Variants in ANK1 observed in about 807,000 individuals in gnomAD.
The protein encoded by ANK1 is ankyrin-1.
Under a neutral mutation model 210.4 loss-of-function variants are expected in ANK1, and 51 were observed. The observed-to-expected ratio is 0.24, with a 90% CI of 0.19 to 0.31. ANK1 has a LOEUF of 0.31. ANK1 is among the 10% of genes least tolerant of loss of function. ANK1 has a pLI of 1.00. For missense variants in ANK1, 2,051 were observed against 2,504.4 expected (o/e 0.82, Z 3.86); for synonymous variants, 967 against 1,025.9 (o/e 0.94, Z 1.10).
intron 33 of ANK1, among the ~76,000 whole-genome samples, chr8:41,689,352 C>T (rs1361328583): frequency 1.3e-5 from 2 of 149,656 alleles, no homozygotes; most frequent in African/African-American, 2.5e-5. Context: ...TAGTCTTGAA[C>T]TCCTGGGCTC....
intron 1 of ANK1, among the ~76,000 whole-genome samples, chr8:41,811,428 G>T (rs1048482074): frequency 6.6e-6 from 1 of 152,196 alleles, no homozygotes; most frequent in Non-Finnish European, 1.5e-5. Flanking sequence ...CTGCAAAGGC[G>T]GTTTCAGAAG....
chr8:41,890,292 A>C (rs1819162311), intron 1 of ANK1, among the ~76,000 whole-genome samples: 1 of 152,248 alleles, frequency 6.6e-6, no homozygotes, highest in Non-Finnish European at 1.5e-5. Flanking sequence ...AAGAGCTCAA[A>C]CTGGAACCTG....
At chr8:41,681,111 C>T (rs951340321) in intron 37 of ANK1, among the ~76,000 whole-genome samples, 4 of 152,200 alleles carry the variant, frequency 2.6e-5, no homozygotes, top group Admixed American at 1.3e-4. Context: ...GCTAGCTTAA[C>T]GTCAGCAGCA....
At chr8:41,798,598 G>C (rs1849296317), upstream of ANK1, among the ~76,000 whole-genome samples, 5 of 152,224 alleles carry the variant, frequency 3.3e-5, no homozygotes, top group Admixed American at 3.3e-4. Flanking sequence ...GGCTTTATCA[G>C]TGAGAACACC....
chr8:41,817,732 G>C (rs1363786313), intron 1 of ANK1, among the ~76,000 whole-genome samples: 1 of 152,198 alleles, frequency 6.6e-6, no homozygotes, highest in Non-Finnish European at 1.5e-5. Flanking sequence ...TTCCTATCAT[G>C]CTTTATATAA....
chr8:41,706,308 C>G, intron 17 of ANK1, 67 bp from the exon 18 acceptor site: 1 of 1,448,630 alleles, frequency 6.9e-7, no homozygotes. Flanking sequence ...GTAAAGAGCT[C>G]TGAGGTCTGG....
chr8:41,775,758 G>A (rs534374986), intron 1 of ANK1, among the ~76,000 whole-genome samples: 31 of 152,196 alleles, frequency 2.0e-4, no homozygotes, highest in Admixed American at 3.3e-4. Context: ...ATGGTGGTGC[G>A]CACCTGTAGT....
chr8:41,748,381 GAA>G (rs1836706844), intron 2 of ANK1, among the ~76,000 whole-genome samples: 1 of 152,130 alleles, frequency 6.6e-6, no homozygotes, highest in Admixed American at 6.5e-5. Context: ...CAGTTCCTAA[GAA>G]AAAGACAATG....
At chr8:41,733,846 T>C in intron 3 of ANK1, 125 bp downstream of exon 3, 1 of 819,344 alleles carries the variant, frequency 1.2e-6, no homozygotes, top group East Asian at 2.6e-5. Context: ...AACTAAAAAG[T>C]GATTGGAAGG....
intron 20 of ANK1, 67 bp downstream of exon 20, chr8:41,703,974 G>A (rs2150611784): frequency 4.9e-6 from 7 of 1,424,212 alleles, no homozygotes; most frequent in Non-Finnish European, 6.9e-6. Context: ...CTACGGTTAG[G>A]GGAGTTCACA....
chr8:41,837,795 C>T (rs1206176099), intron 1 of ANK1, among the ~76,000 whole-genome samples: 1 of 152,064 alleles, frequency 6.6e-6, no homozygotes, highest in Non-Finnish European at 1.5e-5. Flanking sequence ...CACTTGAACC[C>T]AGGAGGCAGA....
chr8:41,664,324 A>AT (rs1399820530), intron 39 of ANK1: 4 of 369,178 alleles, frequency 1.1e-5, no homozygotes. Context: ...TTTTTTTAAA[A>AT]TAGCCAGGCA....
At chr8:41,759,720 C>G (rs774927194) in intron 1 of ANK1, among the ~76,000 whole-genome samples, 1 of 152,160 alleles carries the variant, frequency 6.6e-6, no homozygotes, top group Non-Finnish European at 1.5e-5. Context: ...GTTCTGGAAC[C>G]AATCCCCCAC....
chr8:41,756,837 G>A (rs1250008781), intron 2 of ANK1, among the ~76,000 whole-genome samples: 2 of 152,198 alleles, frequency 1.3e-5, no homozygotes, highest in African/African-American at 4.8e-5. Flanking sequence ...CCTAACCTAC[G>A]TTCAGAAAAT....
At chr8:41,702,203 T>C in intron 20 of ANK1, 59 bp from the exon 21 acceptor site, 2 of 1,434,678 alleles carry the variant, frequency 1.4e-6, no homozygotes, top group Non-Finnish European at 2.0e-6. Flanking sequence ...GAGGCGGGGC[T>C]GGCTCCCTAG....
intron 1 of ANK1, 50 bp from the exon 2 acceptor site, chr8:41,758,187 TCTC>T (rs1839623695): frequency 2.6e-6 from 4 of 1,532,310 alleles, no homozygotes; most frequent in Non-Finnish European, 3.6e-6. Flanking sequence ...ATTAATGACT[TCTC>T]CACCCCGTTC....
intron 24 of ANK1, among the ~76,000 whole-genome samples, chr8:41,697,473 C>T (rs1372597261): frequency 6.6e-6 from 1 of 152,156 alleles, no homozygotes; most frequent in Admixed American, 6.5e-5. Context: ...ATCTCACCTC[C>T]TCCACAGATG....
chr8:41,823,399 G>T (rs986967349), intron 1 of ANK1, among the ~76,000 whole-genome samples: 4 of 152,154 alleles, frequency 2.6e-5, no homozygotes, highest in African/African-American at 9.7e-5. Flanking sequence ...TTATATTAGA[G>T]ATACTTTTCA....
chr8:41,844,511 C>G (rs934638927), intron 1 of ANK1, among the ~76,000 whole-genome samples: 1 of 152,092 alleles, frequency 6.6e-6, no homozygotes, highest in Non-Finnish European at 1.5e-5. Context: ...ATGCACCCAC[C>G]ACACACCCCC....
Sources: gnomAD v4.1 joint callset for allele counts (sites outside exome capture counted in the v4.1 genomes callset) on GRCh38, gnomAD v4.1.1 for gene constraint, MANE v1.5 for transcripts, NCBI Gene and HGNC (gene_info 2026-07-23, HGNC 2026-07-21) for gene names.